The following FAM13A variants were observed in gnomAD, a reference collection of about 807,000 sequenced individuals.
FAM13A encodes protein FAM13A.
In FAM13A, 76 loss-of-function variants were observed where a neutral mutation model predicts 129.6. That is an observed-to-expected ratio of 0.59 (90% confidence interval 0.49 to 0.71). FAM13A has a LOEUF of 0.71. Ranked by LOEUF, FAM13A falls within the 30% of genes least tolerant of loss-of-function variation. The probability of loss-of-function intolerance (pLI) is 0.00; values close to 1 mark genes in which losing one functional copy is unlikely to be tolerated. For missense variants in FAM13A, 1,108 were observed against 1,249.3 expected, an observed-to-expected ratio of 0.89 and a Z score of 1.70; for synonymous variants, 443 against 449.9, an observed-to-expected ratio of 0.98 and a Z score of 0.20.
intron 4 of FAM13A, among the ~76,000 whole-genome samples, chr4:88,960,175 A>T (rs1560543970): frequency 6.6e-6 from 1 of 152,198 alleles, no homozygotes; most frequent in African/African-American, 2.4e-5. Context: ...AGGCAAGAGT[A>T]ATGTCCCACC....
At chr4:88,748,715 T>G (rs1202031156) in intron 17 of FAM13A, among the ~76,000 whole-genome samples, 1 of 152,166 alleles carries the variant, frequency 6.6e-6, no homozygotes, top group African/African-American at 2.4e-5. Context: ...ATCCTTCTAT[T>G]AGTGATCCAG....
chr4:88,990,210 G>A (rs1052080077), intron 4 of FAM13A: 7 of 152,140 alleles, frequency 4.6e-5, no homozygotes, highest in Admixed American at 4.6e-4. Flanking sequence ...TCTGAAGACT[G>A]TAATATTACT....
At chr4:89,027,108 T>C (rs1768061626) in intron 2 of FAM13A, among the ~76,000 whole-genome samples, 2 of 152,232 alleles carry the variant, frequency 1.3e-5, no homozygotes, top group African/African-American at 4.8e-5. Context: ...CCTTGGATAG[T>C]ACCAAACCCT....
intron 14 of FAM13A, among the ~76,000 whole-genome samples, chr4:88,758,032 G>C (rs1452903): frequency 0.5 from 76,617 of 151,978 alleles, 21,844 homozygotes; most frequent in Non-Finnish European, 0.65. Flanking sequence ...ACATTGGTAT[G>C]TGTTTGGATG....
At position 88,731,432 on chromosome 4, in the gene FAM13A, A is replaced by G. The variant is rs1238842213; in HGVS notation, c.2844-4T>C. The G allele has an allele frequency of 6.6e-7, 1 of 1,523,780 alleles. No individual in the cohort carries two copies. Among genetic ancestry groups the G allele is most frequent in the Admixed American group, 1.8e-5 (1 of 56,848 alleles). The allele number at this position is 1,523,780 out of a possible 1,614,324, so 94.4% of individuals were successfully genotyped here. A position where few individuals can be genotyped will look rare whatever the true frequency, so the allele number is the denominator to read the frequency against. ...GAGGTGTTCCAGGAGTTCAGGTCTA[A>G]GAGAGAGGAAGCATTGCAAGGAAAT... is the stretch of plus-strand genomic sequence containing the variant. On this transcript the variant is annotated splice_polypyrimidine_tract_variant and splice_region_variant and intron_variant, in intron 22 of 23. Coordinates refer to ENST00000264344, the MANE Select transcript of FAM13A (RefSeq NM_014883.4).
intron 7 of FAM13A, among the ~76,000 whole-genome samples, chr4:88,840,957 A>G (rs1735700410): frequency 6.6e-6 from 1 of 152,080 alleles, no homozygotes; most frequent in African/African-American, 2.4e-5. Context: ...AACTAGACTC[A>G]TACCATACAG....
chr4:88,819,296 C>T (rs1182204876), intron 7 of FAM13A, among the ~76,000 whole-genome samples: 1 of 152,136 alleles, frequency 6.6e-6, no homozygotes, highest in East Asian at 1.9e-4. Context: ...CAAAGGAATC[C>T]ACATCAATCA....
chr4:89,032,329 A>C (rs527739300), intron 1 of FAM13A, among the ~76,000 whole-genome samples: 28 of 152,266 alleles, frequency 1.8e-4, no homozygotes, highest in African/African-American at 6.7e-4. Flanking sequence ...ATTCCCATGC[A>C]TCACTTGAGT....
chr4:88,895,820 T>C (rs2150185123), intron 6 of FAM13A, among the ~76,000 whole-genome samples: 1 of 120,874 alleles, frequency 8.3e-6, no homozygotes, highest in African/African-American at 3.2e-5. Context: ...ACACTGTTGG[T>C]GGGACTGTAA....
intron 11 of FAM13A, among the ~76,000 whole-genome samples, chr4:88,779,070 C>T (rs1722327585): frequency 6.6e-6 from 1 of 152,132 alleles, no homozygotes; most frequent in Non-Finnish European, 1.5e-5. Context: ...TAGTTGTTAT[C>T]ACTACCTAAT....
intron 6 of FAM13A, among the ~76,000 whole-genome samples, chr4:88,865,792 T>C (rs1299796340): frequency 2.6e-5 from 4 of 151,788 alleles, no homozygotes; most frequent in African/African-American, 4.8e-5. Flanking sequence ...AAATAGATGG[T>C]ACGCGGGATT....
chr4:88,990,466 T>C (rs1193467780), intron 4 of FAM13A: 1 of 152,272 alleles, frequency 6.6e-6, no homozygotes, highest in East Asian at 1.9e-4. Flanking sequence ...GAGAATAAAA[T>C]ATTAAGCTTT....
In FAM13A at chr4:88,990,601, GC is replaced by G. The variant is rs554875146; in HGVS notation, c.605+371del. On this transcript the variant is annotated intron_variant, in intron 4 of 23. Transcript: ENST00000264344. Reference sequence around the variant, plus strand: ...TCTGTTCATAATTTTCCATCTATTGGCAATAATTTGAACTTTATTACTATTT... The same window carrying G: ...TCTGTTCATAATTTTCCATCTATTGGAATAATTTGAACTTTATTACTATTT... 411 of 163,224 alleles carry G rather than the reference GC, an allele frequency of 2.5e-3. 2 individuals are homozygous for G. Among genetic ancestry groups the G allele is most frequent in the African/African-American group, 8.9e-3 (373 of 41,760 alleles). The allele number at this position is 163,224 out of a possible 1,614,324, so 10.1% of individuals were successfully genotyped here.
chr4:88,923,947 T>C (rs1158923217), intron 5 of FAM13A, among the ~76,000 whole-genome samples: 3 of 152,106 alleles, frequency 2.0e-5, no homozygotes, highest in Non-Finnish European at 4.4e-5. Flanking sequence ...TGAACTCCCA[T>C]TCACAATTGC....
At chr4:88,892,482 T>C (rs1184020095) in intron 6 of FAM13A, among the ~76,000 whole-genome samples, 1 of 152,016 alleles carries the variant, frequency 6.6e-6, no homozygotes, top group Non-Finnish European at 1.5e-5. Flanking sequence ...CCTGGCCCTG[T>C]CTTCTAAAAG....
At chr4:88,879,571 A>T (rs547579051) in intron 6 of FAM13A, among the ~76,000 whole-genome samples, 2 of 152,086 alleles carry the variant, frequency 1.3e-5, no homozygotes, top group Non-Finnish European at 2.9e-5. Flanking sequence ...TTCTAGGCAC[A>T]TCCTAGGGTT....
intron 5 of FAM13A, among the ~76,000 whole-genome samples, chr4:88,909,205 A>T (rs1306105425): frequency 6.6e-6 from 1 of 152,216 alleles, no homozygotes; most frequent in Admixed American, 6.5e-5. Context: ...ATGCCCATTA[A>T]TTGATGAATG....
At chr4:88,797,768 C>G (rs1285017858) in intron 8 of FAM13A, among the ~76,000 whole-genome samples, 1 of 152,142 alleles carries the variant, frequency 6.6e-6, no homozygotes, top group Non-Finnish European at 1.5e-5. Context: ...CCCAGCCTTT[C>G]AATTCCAAGC....
At chr4:88,968,523 G>C (rs1052147128) in intron 4 of FAM13A, among the ~76,000 whole-genome samples, 5 of 152,094 alleles carry the variant, frequency 3.3e-5, no homozygotes, top group Non-Finnish European at 5.9e-5. Flanking sequence ...TTTCAGTTTA[G>C]AGTACTTGGC....
Sources: allele counts gnomAD v4.1 joint callset (sites outside exome capture counted in the v4.1 genomes callset), GRCh38; gene constraint gnomAD v4.1.1; transcripts MANE v1.5; gene names NCBI Gene and HGNC (gene_info 2026-07-23, HGNC 2026-07-21).